MPRIP: variants seen among roughly 807,000 people sequenced by gnomAD.
MPRIP encodes the protein myosin phosphatase Rho-interacting protein.
A neutral mutation model predicts 234.9 loss-of-function variants in MPRIP; 59 were observed. That is an observed-to-expected ratio of 0.25 (90% CI 0.20 to 0.31). The LOEUF (loss-of-function observed/expected upper bound fraction) is 0.31. MPRIP is among the 10% of genes least tolerant of loss of function. The pLI, the probability that MPRIP is intolerant of heterozygous loss-of-function variation, is 1.00. For missense variants in MPRIP, 2,436 were observed against 3,071.0 expected (o/e 0.79, Z 4.89); for synonymous variants, 1,144 against 1,263.9 (o/e 0.91, Z 2.01).
rs911359992 is a variant in MPRIP, at chr17:17,185,596, C to G, written c.*702C>G. 2 of 456,234 alleles carry G rather than the reference C, an allele frequency of 4.4e-6. No homozygotes were observed. The highest frequency in any genetic ancestry group is 8.8e-6 in the Non-Finnish European group (2 of 226,904). 28.3% of individuals were successfully genotyped at this position (456,234 alleles called of 1,614,324 possible). ...CTCTCCTTCCTTCCTTCCTTCCTTC[C>G]TCCGCTCGTTCCTTTCTTGGTCTCC... On this transcript the variant is annotated 3_prime_UTR_variant, in exon 24 of 24. Transcript: ENST00000651222.
chr17:17,127,140 C>T (rs535835321), intron 4 of MPRIP, among the ~76,000 whole-genome samples: 19 of 152,372 alleles, frequency 1.2e-4, no homozygotes, highest in African/African-American at 4.3e-4. Flanking sequence ...CCTGCCCCTC[C>T]ACCTGGAAGG....
intron 3 of MPRIP, among the ~76,000 whole-genome samples, chr17:17,095,155 T>C (rs1310300249): frequency 6.6e-6 from 1 of 152,232 alleles, no homozygotes; most frequent in Admixed American, 6.5e-5. Context: ...ATCCTGTTTG[T>C]GTTTCATGGG....
intron 21 of MPRIP, 110 bp downstream of exon 21, chr17:17,176,622 C>G: frequency 1.2e-6 from 1 of 839,824 alleles, no homozygotes; most frequent in East Asian, 2.5e-5. Context: ...GCAGATTTTA[C>G]TCTTGTGAGG....
intron 3 of MPRIP, among the ~76,000 whole-genome samples, chr17:17,101,607 AT>A (rs780720512): frequency 2.9e-5 from 4 of 138,756 alleles, no homozygotes; most frequent in Non-Finnish European, 6.2e-5. Context: ...AACAAAAAAA[AT>A]ATATATATAG....
Position 17,167,202 on chromosome 17 carries a change from C to A in MPRIP, c.5611C>A (p.Gln1871Lys). 1 of 1,304,076 alleles carries A rather than the reference C, an allele frequency of 7.7e-7. No individual in the cohort carries two copies. Among genetic ancestry groups the A allele is most frequent in the Non-Finnish European group, 1.0e-6 (1 of 988,932 alleles). The allele number at this position is 1,304,076 out of a possible 1,614,324, so 80.8% of individuals were successfully genotyped here. ...KELQLCKESWQTREPSCSEQA... is the reference protein window; with the variant it reads ...KELQLCKESWKTREPSCSEQA... ...GCTCCAGCTCTGCAAGGAGTCCTGG[C>A]AAACCCGGGAGCCCTCCTGCTCAGA... Residue 1871 changes from glutamine (Q) to lysine (K), a missense_variant, in exon 16 of 24, where the codon CAA becomes AAA. Physicochemically the swap from Gln to Lys is moderately conservative, Grantham distance 53. Around this residue, in one of 4 missense-constraint regions of MPRIP, gnomAD observed 1,998 missense variants for 2,520.3 expected, o/e 0.79. Coordinates refer to ENST00000651222, the MANE Select transcript of MPRIP (RefSeq NM_001364716.4). The surrounding 1 kb of genome is among the most constrained non-coding windows in gnomAD (Gnocchi z 5.9).
At chr17:17,087,387 A>G (rs2089615416) in intron 3 of MPRIP, among the ~76,000 whole-genome samples, 1 of 152,152 alleles carries the variant, frequency 6.6e-6, no homozygotes, top group African/African-American at 2.4e-5. Context: ...CTCCAGTATT[A>G]GATGTTCTGT....
chr17:17,050,706 T>C (rs2088511845), intron 1 of MPRIP, among the ~76,000 whole-genome samples: 1 of 152,244 alleles, frequency 6.6e-6, no homozygotes, highest in Admixed American at 6.5e-5. Context: ...TTTGATGGCT[T>C]CTTTTGGTGT....
At chr17:17,094,505 G>A (rs1369206407) in intron 3 of MPRIP, among the ~76,000 whole-genome samples, 2 of 152,046 alleles carry the variant, frequency 1.3e-5, no homozygotes, top group African/African-American at 2.4e-5. Flanking sequence ...TAAGCTAGAG[G>A]CTTGTGTATA....
At chr17:17,103,460 A>G (rs1051781386) in intron 3 of MPRIP, among the ~76,000 whole-genome samples, 1 of 152,150 alleles carries the variant, frequency 6.6e-6, no homozygotes, top group African/African-American at 2.4e-5. Flanking sequence ...GAGCTTAACC[A>G]GCTCACCTTG....
Position 17,138,212 on chromosome 17 carries a change from G to T in MPRIP, c.1033G>T (p.Asp345Tyr), listed in dbSNP as rs2144480433. ...DVASQPPAYV[D>Y]SGSTRGRGTE... ...GGCCAGCCAGCCACCTGCCTACGTG[G>T]ACTCTGGCAGCACTAGGGGGCGGGG... The change falls in exon 7 of 24, where the codon GAC (aspartate) becomes TAC (tyrosine). Residue 345 changes from aspartate (D) to tyrosine (Y), a missense_variant. Physicochemically the swap from Asp to Tyr is radical, Grantham distance 160. Around this residue, in one of 4 missense-constraint regions of MPRIP, gnomAD observed 267 missense variants for 252.7 expected, o/e 1.06. Transcript: ENST00000651222. This position sits in a 1 kb window ranked among gnomAD's most constrained non-coding sequence, Gnocchi z 5.8. 6.6e-6 allele frequency: 5 copies of T among 759,012 alleles called. No individual in the cohort carries two copies. In the East Asian group the frequency reaches 1.5e-4, roughly 23 times the overall value. The allele number at this position is 759,012 out of a possible 1,614,324, so 47.0% of individuals were successfully genotyped here.
intron 23 of MPRIP, chr17:17,182,213 C>G (rs1177367126): frequency 6.6e-6 from 1 of 152,258 alleles, no homozygotes; most frequent in African/African-American, 2.4e-5. Context: ...GCCCAGAAAC[C>G]GTACTTCTCA....
At chr17:17,121,925 T>A (rs904609709) in intron 3 of MPRIP, among the ~76,000 whole-genome samples, 10 of 152,330 alleles carry the variant, frequency 6.6e-5, no homozygotes, top group Non-Finnish European at 1.2e-4. Context: ...TGGTTTTCTG[T>A]TCCTGTGTTC....
chr17:17,090,034 G>C (rs112207453), intron 3 of MPRIP, among the ~76,000 whole-genome samples: 14 of 152,336 alleles, frequency 9.2e-5, no homozygotes, highest in African/African-American at 3.4e-4. Context: ...TCAACCCCAG[G>C]GGGAGGTGGG....
Position 17,046,267 on chromosome 17 carries a change from A to G in MPRIP, c.123+3296A>G, listed in dbSNP as rs114018190. On this transcript the variant is annotated intron_variant, in intron 1 of 23. Coordinates refer to ENST00000651222, the MANE Select transcript of MPRIP (RefSeq NM_001364716.4). ...CATATTAGGCCTTTAGGAGTGTACT[A>G]TAATTTAACCCGTTTCCTTATTGAT... is the stretch of plus-strand genomic sequence containing the variant. 3.3e-3 allele frequency among the ~76,000 whole-genome samples: 506 copies of G among 152,354 alleles called. 3 individuals carry two copies. The highest frequency in any genetic ancestry group is 0.012 in the African/African-American group (488 of 41,576).
intron 20 of MPRIP, among the ~76,000 whole-genome samples, chr17:17,176,080 G>A (rs903186100): frequency 3.9e-5 from 6 of 152,186 alleles, no homozygotes; most frequent in African/African-American, 1.2e-4. Flanking sequence ...CCAAAAGGGC[G>A]GGCAAGAGAG....
intron 2 of MPRIP, 22 bp downstream of exon 2, chr17:17,075,809 C>CT: frequency 6.2e-6 from 10 of 1,612,256 alleles, no homozygotes; most frequent in Non-Finnish European, 8.5e-6. Context: ...AGAGCCAACT[C>CT]TCAGGGAGGA....
At chr17:17,071,380 C>A (rs2089190585) in intron 1 of MPRIP, among the ~76,000 whole-genome samples, 1 of 152,154 alleles carries the variant, frequency 6.6e-6, no homozygotes, top group African/African-American at 2.4e-5. Flanking sequence ...AGTACCCACT[C>A]TGGGATAGTG....
chr17:17,058,036 G>A (rs1186184568), intron 1 of MPRIP: 2 of 290,178 alleles, frequency 6.9e-6, no homozygotes, highest in East Asian at 1.6e-4. Context: ...CTTTCACAGA[G>A]GTGACCTGAG....
At chr17:17,161,650 A>G (rs1306725936) in intron 15 of MPRIP, among the ~76,000 whole-genome samples, 1 of 152,210 alleles carries the variant, frequency 6.6e-6, no homozygotes, top group African/African-American at 2.4e-5. Flanking sequence ...CTCTGAAAGT[A>G]GCCAATATAC....
Sources: gnomAD v4.1 joint callset for allele counts (sites outside exome capture counted in the v4.1 genomes callset) on GRCh38, gnomAD v4.1.1 for gene constraint, gnomAD v4.1.1 regional missense constraint, Gnocchi (gnomAD v3.1) non-coding constraint, MANE v1.5 for transcripts, NCBI Gene and HGNC (gene_info 2026-07-23, HGNC 2026-07-21) for gene names.